The following TBC1D17 variants were observed in gnomAD, a reference collection of about 807,000 sequenced individuals.
The protein encoded by TBC1D17 is TBC1 domain family member 17.
In TBC1D17, 69 loss-of-function variants were observed where a neutral mutation model predicts 78.8. That is an observed-to-expected ratio of 0.88 (90% CI 0.72 to 1.07). The LOEUF (loss-of-function observed/expected upper bound fraction) is 1.07. Among genes scored for constraint, TBC1D17 ranks in the 50% least tolerant of loss-of-function variants. The probability of loss-of-function intolerance (pLI) is 0.00; values close to 1 mark genes in which losing one functional copy is unlikely to be tolerated. For synonymous variants in TBC1D17, 456 were observed against 358.3 expected (o/e 1.27, Z -3.08); for missense variants, 957 against 861.0 (o/e 1.11, Z -1.39).
chr19:49,886,605 G>A (rs1028728295), intron 13 of TBC1D17: 1 of 152,086 alleles, frequency 6.6e-6, no homozygotes, highest in Admixed American at 6.6e-5. Flanking sequence ...TTTTCATCAC[G>A]GTGCATAGTC....
chr19:49,887,859 C>T (rs769427654), intron 15 of TBC1D17, 25 bp downstream of exon 15: 1 of 1,572,870 alleles, frequency 6.4e-7, no homozygotes, highest in Non-Finnish European at 8.7e-7. Flanking sequence ...CCGCCCCCGC[C>T]CTGTCCCCCC....
At position 49,883,076 on chromosome 19, in the gene TBC1D17, C is replaced by A. The variant is rs778862160; in HGVS notation, c.1031C>A (p.Thr344Lys). The change falls in exon 9 of 17, where the codon ACG (threonine) becomes AAG (lysine). Residue 344 changes from threonine (T) to lysine (K), a missense_variant and splice_region_variant. Transcript: ENST00000221543. ...EEHKAHIRKK[T>K]DEYFRMKLQW... is the part of the protein sequence containing the mutation. ...CACAAGGCCCACATACGCAAGAAAA[C>A]GTGAGTTCTCAGGAGGCCCTGCCCT... 5 of 1,604,310 alleles carry A rather than the reference C, an allele frequency of 3.1e-6. No homozygotes were observed.
rs777546994 is a variant in TBC1D17, at chr19:49,883,716, C to T, written c.1097C>T (p.Ser366Leu). 1.6e-5 allele frequency: 26 copies of T among 1,613,826 alleles called. No homozygotes were observed. The Admixed American group carries it at 3.8e-4, about 24-fold the overall frequency. The change falls in exon 10 of 17, where the codon TCA becomes TTA. Residue 366 changes from serine (S) to leucine (L), a missense_variant. Ser to Leu is a moderately radical substitution (Grantham distance 145). Transcript: ENST00000221543. Reference sequence around the variant, plus strand: ...AGCCCTGAGCAGGAGCGGAGAAACTCACTTCTGCATGGATACCGCAGCCTC... The same window carrying T: ...AGCCCTGAGCAGGAGCGGAGAAACTTACTTCTGCATGGATACCGCAGCCTC... Reference protein sequence around the residue: ...SVSPEQERRNSLLHGYRSLIE... With the variant: ...SVSPEQERRNLLLHGYRSLIE...
At position 49,888,526 on chromosome 19, in the gene TBC1D17, G is replaced by GCCC; in HGVS notation, c.1851_1853dup (p.Pro619dup). 2 of 1,533,184 alleles carry GCCC rather than the reference G, an allele frequency of 1.3e-6. No individual in the cohort carries two copies. Among genetic ancestry groups the GCCC allele is most frequent in the Non-Finnish European group, 1.8e-6 (2 of 1,141,128 alleles). 95.0% of individuals were successfully genotyped at this position (1,533,184 alleles called of 1,614,324 possible). On this transcript the variant is annotated inframe_insertion, in exon 17 of 17. Transcript: ENST00000221543. ...CCCGCTGCCTCTGTCGCCCACCCGG[G>GCCC]CCCCGCCCACCCCGCCGCCCTCCAC...
intron 4 of TBC1D17, among the ~76,000 whole-genome samples, chr19:49,880,749 G>A (rs549506369): frequency 2.0e-4 from 30 of 152,342 alleles, no homozygotes; most frequent in African/African-American, 7.0e-4. Flanking sequence ...AGGGTGCAGG[G>A]GACATCCAGA....
Position 49,880,297 on chromosome 19 carries a change from T to G in TBC1D17, c.214T>G (p.Ser72Ala). 6.2e-7 allele frequency: 1 copy of G among 1,614,064 alleles called. No individual in the cohort carries two copies. Among genetic ancestry groups the G allele is most frequent in the Non-Finnish European group, 8.5e-7 (1 of 1,179,988 alleles). The change falls in exon 4 of 17, where the codon TCA (serine) becomes GCA (alanine). Residue 72 changes from serine (S) to alanine (A), a missense_variant. Physicochemically the swap from Ser to Ala is moderately conservative, Grantham distance 99 (BLOSUM62 1). Coordinates refer to ENST00000221543, the MANE Select transcript of TBC1D17 (RefSeq NM_024682.3). ...FSKKDSSGGD[S>A]CASEEEPTFD... ...TCCTAAGGACTCCAGTGGGGGTGAC[T>G]CATGTGCTTCTGAGGAGGAACCAAC...
rs746579130 is a variant in TBC1D17, at chr19:49,883,092, G to A, written c.1031+16G>A. ...GCAAGAAAACGTGAGTTCTCAGGAG[G>A]CCCTGCCCTGCCAGGCATGACACCT... On this transcript the variant is annotated intron_variant, in intron 9 of 16. Coordinates refer to ENST00000221543, the MANE Select transcript of TBC1D17 (RefSeq NM_024682.3). 28 of 1,587,500 alleles carry A rather than the reference G, an allele frequency of 1.8e-5. No homozygotes were observed. The Admixed American group carries it at 5.0e-4, about 28-fold the overall frequency.
intron 6 of TBC1D17, 29 bp downstream of exon 6, chr19:49,882,181 G>A: frequency 6.2e-7 from 1 of 1,613,776 alleles, no homozygotes; most frequent in Non-Finnish European, 8.5e-7. Context: ...AGGCCTGGCG[G>A]GTGTGGGCAG....
chr19:49,887,329 G>A, intron 13 of TBC1D17, 147 bp from the exon 14 acceptor site: 1 of 739,146 alleles, frequency 1.4e-6, no homozygotes, highest in Non-Finnish European at 2.3e-6. Context: ...CCCGCGTTCA[G>A]GGCTGCTCCT....
intron 13 of TBC1D17, 119 bp downstream of exon 13, chr19:49,884,877 C>A (rs2075046597): frequency 1.2e-6 from 1 of 848,742 alleles, no homozygotes. Context: ...GAGAAACATC[C>A]CCACACAACC....
At position 49,888,571 on chromosome 19, in the gene TBC1D17, G is replaced by C. The variant is rs960670360; in HGVS notation, c.1894G>C (p.Asp632His). The change falls in exon 17 of 17, where the codon GAC (aspartate) becomes CAC (histidine). Residue 632 changes from aspartate to histidine, a missense_variant. Physicochemically the swap from Asp to His is moderately conservative, Grantham distance 81. Coordinates refer to ENST00000221543, the MANE Select transcript of TBC1D17 (RefSeq NM_024682.3). Reference protein sequence around the residue: ...PPSTDTAPQPDSSLEILPEEE... With the variant: ...PPSTDTAPQPHSSLEILPEEE... Reference sequence around the variant, plus strand: ...CTCCACGGACACAGCCCCGCAGCCCGACAGCAGCCTGGAGATCCTGCCCGA... The same window carrying C: ...CTCCACGGACACAGCCCCGCAGCCCCACAGCAGCCTGGAGATCCTGCCCGA... 1 of 1,235,534 alleles carries C rather than the reference G, an allele frequency of 8.1e-7. No homozygotes were observed. Among genetic ancestry groups the C allele is most frequent in the South Asian group, 1.3e-5 (1 of 79,296 alleles). The allele number at this position is 1,235,534 out of a possible 1,614,324, so 76.5% of individuals were successfully genotyped here. A position where few individuals can be genotyped will look rare whatever the true frequency, so the allele number is the denominator to read the frequency against.
At chr19:49,883,568 C>A in intron 9 of TBC1D17, 83 bp from the exon 10 acceptor site, 1 of 1,253,788 alleles carries the variant, frequency 8.0e-7, no homozygotes, top group South Asian at 1.3e-5. Flanking sequence ...GCAGGGCTGA[C>A]CTGGGAGGTG....
rs1344779289 is a variant in TBC1D17 at position 49,887,463 on chromosome 19, T to G, written c.1445-13T>G. On this transcript the variant is annotated splice_polypyrimidine_tract_variant and intron_variant, in intron 13 of 16. Transcript: ENST00000221543. ...GCTGGGCAAGGCTGAGTGGGCTCCATGTCATCCCCCAGATTCCCAGGACTC... is the reference window on the plus strand; with the variant it reads ...GCTGGGCAAGGCTGAGTGGGCTCCAGGTCATCCCCCAGATTCCCAGGACTC... 3.1e-6 allele frequency: 5 copies of G among 1,612,938 alleles called. No individual in the cohort carries two copies. Among genetic ancestry groups the G allele is most frequent in the African/African-American group, 1.3e-5 (1 of 74,934 alleles).
intron 15 of TBC1D17, 37 bp from the exon 16 acceptor site, chr19:49,888,194 G>T: frequency 6.4e-7 from 1 of 1,555,502 alleles, no homozygotes; most frequent in Non-Finnish European, 8.7e-7. Context: ...GGAGGTGGTT[G>T]AGTGCCGACT....
chr19:49,882,383 T>C lies in TBC1D17; in HGVS notation c.781T>C (p.Phe261Leu). The change falls in exon 7 of 17, where the codon TTC becomes CTC. Residue 261 changes from phenylalanine (F) to leucine (L), a missense_variant. Coordinates refer to ENST00000221543, the MANE Select transcript of TBC1D17 (RefSeq NM_024682.3). Reference sequence around the variant, plus strand: ...ACCCGACGATGAGCCCGAGCCTGGATTCGAGGTCATTTCCTGTGTGAGTAG... The same window carrying C: ...ACCCGACGATGAGCCCGAGCCTGGACTCGAGGTCATTTCCTGTGTGAGTAG... ...PPPDDEPEPG[F>L]EVISCVELGP... 1 of 1,606,672 alleles carries C rather than the reference T, an allele frequency of 6.2e-7. No individual in the cohort carries two copies. Among genetic ancestry groups the C allele is most frequent in the Non-Finnish European group, 8.5e-7 (1 of 1,179,612 alleles).
Position 49,887,575 on chromosome 19 carries a change from T to G in TBC1D17, c.1542+2T>G, listed in dbSNP as rs1600454509. 1 of 1,613,668 alleles carries G rather than the reference T, an allele frequency of 6.2e-7. No individual in the cohort carries two copies. Among genetic ancestry groups the G allele is most frequent in the Admixed American group, 1.7e-5 (1 of 59,980 alleles). On this transcript the variant is annotated splice_donor_variant, in intron 14 of 16. Coordinates refer to ENST00000221543, the MANE Select transcript of TBC1D17 (RefSeq NM_024682.3). LOFTEE classifies it high-confidence loss of function. Reference sequence around the variant, plus strand: ...CCGGATGTCCTTCGGCTGTGGGAGGTGGGCCAGCCAGTTTGGGCGAGAGGC... The same window carrying G: ...CCGGATGTCCTTCGGCTGTGGGAGGGGGGCCAGCCAGTTTGGGCGAGAGGC...
rs1355875973 is a variant in TBC1D17 at position 49,888,540 on chromosome 19, G to A, written c.1863G>A (p.Pro621=). The A allele has an allele frequency of 2.1e-5, 8 of 375,428 alleles. No homozygotes were observed. Among genetic ancestry groups the A allele is most frequent in the East Asian group, 1.3e-4 (1 of 7,808 alleles). The allele number at this position is 375,428 out of a possible 1,614,324, so 23.3% of individuals were successfully genotyped here. ...PLSPTRAPPT[P]PPSTDTAPQP... is the part of the protein sequence containing the mutation. ...CGCCCACCCGGGCCCCGCCCACCCC[G>A]CCGCCCTCCACGGACACAGCCCCGC... The change falls in exon 17 of 17, where the codon CCG becomes CCA. Residue 621 remains proline (P), a synonymous_variant. Transcript: ENST00000221543.
Position 49,884,250 on chromosome 19 carries a change from C to A in TBC1D17, c.1127-3C>A, listed in dbSNP as rs763206815. On this transcript the variant is annotated splice_polypyrimidine_tract_variant and splice_region_variant and intron_variant, in intron 10 of 16. Coordinates refer to ENST00000221543, the MANE Select transcript of TBC1D17 (RefSeq NM_024682.3). The stretch of plus-strand genomic sequence containing the variant: ...CTTTGCACCCTGTGCCCGGTCCCCG[C>A]AGAAAGGGATGTGAGCCGCACTGAC... 1.9e-6 allele frequency: 3 copies of A among 1,613,444 alleles called. No individual in the cohort carries two copies. The Admixed American group carries it at 5.0e-5, about 27-fold the overall frequency.
rs760637954 is a variant in TBC1D17, at chr19:49,884,330, G to A, written c.1204G>A (p.Asp402Asn). The change falls in exon 11 of 17, where the codon GAT (aspartate) becomes AAT (asparagine). Residue 402 changes from aspartate (D) to asparagine (N), a missense_variant. By Grantham distance (23) the Asp-to-Asn change is conservative (BLOSUM62 1). Coordinates refer to ENST00000221543, the MANE Select transcript of TBC1D17 (RefSeq NM_024682.3). The part of the protein sequence containing the change: ...PENPGLGLLN[D>N]ILLTYCMYHF... The stretch of plus-strand genomic sequence containing the variant: ...GAACCCGGGGCTGGGCCTGCTGAAC[G>A]ATATCCTCCTCACCTACTGCATGTA... 1.9e-6 allele frequency: 3 copies of A among 1,613,942 alleles called. No homozygotes were observed. Among genetic ancestry groups the A allele is most frequent in the African/African-American group, 1.3e-5 (1 of 74,914 alleles).
Sources: allele counts gnomAD v4.1 joint callset (sites outside exome capture counted in the v4.1 genomes callset), GRCh38; gene constraint gnomAD v4.1.1; transcripts MANE v1.5; gene names NCBI Gene and HGNC (gene_info 2026-07-23, HGNC 2026-07-21).